CTNNA2: variants seen among roughly 807,000 people sequenced by gnomAD.
CTNNA2 encodes the protein catenin alpha-2.
A neutral mutation model predicts 101.0 loss-of-function variants in CTNNA2; 42 were observed. That is an observed-to-expected ratio of 0.42 (90% CI 0.32 to 0.54). The LOEUF (loss-of-function observed/expected upper bound fraction) is 0.54, where lower values mean the gene tolerates loss of function less well. CTNNA2 is among the 20% of genes least tolerant of loss of function. The pLI is 0.14. For missense variants in CTNNA2, 871 were observed against 1,223.1 expected (o/e 0.71, Z 4.29); for synonymous variants, 450 against 456.4 (o/e 0.99, Z 0.18).
intron 7 of CTNNA2, among the ~76,000 whole-genome samples, chr2:80,272,775 A>C (rs149779982): frequency 9.4e-4 from 143 of 152,348 alleles, no homozygotes; most frequent in Middle Eastern, 3.4e-3. Flanking sequence ...AAAATAATTT[A>C]TCTTTTATCT....
intron 7 of CTNNA2, among the ~76,000 whole-genome samples, chr2:80,136,415 A>G (rs966892543): frequency 1.3e-5 from 2 of 152,192 alleles, no homozygotes; most frequent in Non-Finnish European, 2.9e-5. Context: ...TGCCAATGCT[A>G]AGTTTGTTGG....
chr2:79,778,200 A>G (rs1674135072), intron 3 of CTNNA2, among the ~76,000 whole-genome samples: 1 of 151,882 alleles, frequency 6.6e-6, no homozygotes, highest in Non-Finnish European at 1.5e-5. Context: ...AAAAAAATTA[A>G]CCGAGTATGG....
intron 7 of CTNNA2, among the ~76,000 whole-genome samples, chr2:80,364,027 T>C (rs1674667716): frequency 6.6e-6 from 1 of 152,128 alleles, no homozygotes; most frequent in South Asian, 2.1e-4. Flanking sequence ...CTGCAGTGTG[T>C]CATCCTTAAA....
intron 4 of CTNNA2, among the ~76,000 whole-genome samples, chr2:79,421,549 T>C (rs965420721): frequency 1.3e-5 from 2 of 152,222 alleles, no homozygotes; most frequent in Non-Finnish European, 2.9e-5. Context: ...AGATGGCTAA[T>C]ACCTTGATGA....
chr2:79,798,179 GA>G (rs1675869488), intron 3 of CTNNA2, among the ~76,000 whole-genome samples: 1 of 152,304 alleles, frequency 6.6e-6, no homozygotes, highest in Non-Finnish European at 1.5e-5. Context: ...GATATTCCAA[GA>G]ATTCTGAATT....
chr2:80,012,271 A>G lies in CTNNA2; in HGVS notation c.1056+102474A>G, dbSNP rs1693845051. Among the ~76,000 whole-genome samples, 3 of 152,330 alleles carry G rather than the reference A, an allele frequency of 2.0e-5. 1 individual carries two copies. The South Asian group carries it at 6.2e-4, about 32-fold the overall frequency. On this transcript the variant is annotated intron_variant, in intron 7 of 18. Transcript: ENST00000402739. ...ACCCAGCAGTTAGAGTTTCCTATTC[A>G]AAAGTTCCTTCCAATTGCCATATGT...
intron 7 of CTNNA2, among the ~76,000 whole-genome samples, chr2:80,339,160 C>T (rs940694249): frequency 6.6e-6 from 1 of 152,024 alleles, no homozygotes; most frequent in Non-Finnish European, 1.5e-5. Context: ...AAACCACTTT[C>T]ACTAATAATA....
intron 7 of CTNNA2, among the ~76,000 whole-genome samples, chr2:80,214,903 C>T (rs752842459): frequency 5.3e-5 from 8 of 152,174 alleles, no homozygotes; most frequent in East Asian, 1.9e-4. Context: ...ACCAATCAGA[C>T]GTAGATTTGG....
At chr2:80,233,787 T>C (rs371234779) in intron 7 of CTNNA2, among the ~76,000 whole-genome samples, 2 of 152,134 alleles carry the variant, frequency 1.3e-5, no homozygotes, top group African/African-American at 2.4e-5. Context: ...GAATGCCATA[T>C]TCATTCACTC....
intron 1 of CTNNA2, among the ~76,000 whole-genome samples, chr2:79,592,883 T>C (rs964028078): frequency 3.3e-5 from 5 of 152,148 alleles, no homozygotes; most frequent in Non-Finnish European, 7.3e-5. Context: ...ACCTCAGTGA[T>C]TTTTTTCTAA....
chr2:79,884,343 C>T (rs902364964), intron 6 of CTNNA2, among the ~76,000 whole-genome samples: 2 of 152,058 alleles, frequency 1.3e-5, no homozygotes, highest in African/African-American at 4.8e-5. Flanking sequence ...ACCATATTGC[C>T]ATATTTTCGT....
intron 2 of CTNNA2, among the ~76,000 whole-genome samples, chr2:79,266,345 G>A (rs1674986388): frequency 6.6e-6 from 1 of 152,090 alleles, no homozygotes; most frequent in South Asian, 2.1e-4. Context: ...TCACTTTGAG[G>A]GACATTTCTA....
At chr2:79,195,011 G>A (rs985129593) in intron 1 of CTNNA2, among the ~76,000 whole-genome samples, 2 of 152,020 alleles carry the variant, frequency 1.3e-5, no homozygotes, top group Non-Finnish European at 2.9e-5. Context: ...ATCGCCATTT[G>A]GAATTGCCAC....
At chr2:79,379,460 G>A (rs1558653189) in intron 4 of CTNNA2, among the ~76,000 whole-genome samples, 2 of 152,142 alleles carry the variant, frequency 1.3e-5, no homozygotes, top group Admixed American at 1.3e-4. Context: ...CTTTATCATA[G>A]CACTTATCAT....
At chr2:79,709,843 C>G (rs1211190772) in intron 2 of CTNNA2, among the ~76,000 whole-genome samples, 1 of 151,934 alleles carries the variant, frequency 6.6e-6, no homozygotes. Flanking sequence ...GTATTGCAGC[C>G]CCTTTTGTGA....
At position 80,455,692 on chromosome 2, in the gene CTNNA2, C is replaced by T. The variant is rs139996925; in HGVS notation, c.1290+36091C>T. On this transcript the variant is annotated intron_variant, in intron 9 of 18. Coordinates refer to ENST00000402739, the MANE Select transcript of CTNNA2 (RefSeq NM_001282597.3). ...TTAATTCACACCAAGATGGTGGTGA[C>T]TAATGTGTGCTGTCCGTGCGACCTT... Among the ~76,000 whole-genome samples, 966 of 152,280 alleles carry T rather than the reference C, an allele frequency of 6.3e-3. 11 individuals carry two copies. The highest frequency in any genetic ancestry group is 6.9e-3 in the Non-Finnish European group (470 of 68,022).
At chr2:79,993,179 A>G (rs921648183) in intron 7 of CTNNA2, among the ~76,000 whole-genome samples, 1 of 152,302 alleles carries the variant, frequency 6.6e-6, no homozygotes, top group Middle Eastern at 3.4e-3. Context: ...AGGTTTGTTC[A>G]TTTTATCTAT....
intron 1 of CTNNA2, among the ~76,000 whole-genome samples, chr2:79,195,259 A>T (rs10520232): frequency 0.031 from 4,740 of 152,222 alleles, 223 homozygotes; most frequent in African/African-American, 0.1. Flanking sequence ...TCCCTCTACT[A>T]CCTCAGAAAT....
At chr2:80,019,466 A>G (rs1694395912) in intron 7 of CTNNA2, among the ~76,000 whole-genome samples, 1 of 152,242 alleles carries the variant, frequency 6.6e-6, no homozygotes, top group African/African-American at 2.4e-5. Flanking sequence ...CCAGGAAAGC[A>G]TACAGCATTT....
Sources: gnomAD v4.1 joint callset for allele counts (sites outside exome capture counted in the v4.1 genomes callset) on GRCh38, gnomAD v4.1.1 for gene constraint, MANE v1.5 for transcripts, NCBI Gene and HGNC (gene_info 2026-07-23, HGNC 2026-07-21) for gene names.